The following PDZRN4 variants were observed in gnomAD, a reference collection of about 807,000 sequenced individuals.
The protein encoded by PDZRN4 is PDZ domain containing ring finger 4.
Under a neutral mutation model 99.0 loss-of-function variants are expected in PDZRN4, and 70 were observed. The ratio of observed to expected loss-of-function variants is 0.71; its 90% CI spans 0.58 to 0.86. The LOEUF (loss-of-function observed/expected upper bound fraction) is 0.86. PDZRN4 is among the 40% of genes least tolerant of loss of function. PDZRN4 has a pLI of 0.00. For missense variants in PDZRN4, 1,474 were observed against 1,331.2 expected (o/e 1.11, Z -1.67); for synonymous variants, 551 against 501.6 (o/e 1.10, Z -1.32).
At chr12:41,213,690 C>T (rs1035729880) in intron 3 of PDZRN4, among the ~76,000 whole-genome samples, 7 of 152,036 alleles carry the variant, frequency 4.6e-5, no homozygotes, top group Non-Finnish European at 1.0e-4. Flanking sequence ...TAAGTGATGT[C>T]CTGATGACAA....
At chr12:41,475,521 A>C (rs1357635158) in intron 3 of PDZRN4, among the ~76,000 whole-genome samples, 2 of 152,204 alleles carry the variant, frequency 1.3e-5, no homozygotes, top group Non-Finnish European at 2.9e-5. Flanking sequence ...GTGGAGAAAC[A>C]CATTCTTTGC....
intron 3 of PDZRN4, among the ~76,000 whole-genome samples, chr12:41,454,517 C>T (rs1390844647): frequency 6.6e-6 from 1 of 152,118 alleles, no homozygotes; most frequent in Non-Finnish European, 1.5e-5. Flanking sequence ...GTCTGTATTC[C>T]CTTGCGGGAG....
intron 5 of PDZRN4, among the ~76,000 whole-genome samples, chr12:41,544,481 A>G (rs767690059): frequency 6.6e-6 from 1 of 152,210 alleles, no homozygotes; most frequent in Non-Finnish European, 1.5e-5. Context: ...CTCTGCTGGT[A>G]CTATAAATGC....
chr12:41,516,301 T>A (rs1049968556), intron 5 of PDZRN4, among the ~76,000 whole-genome samples: 4 of 152,050 alleles, frequency 2.6e-5, no homozygotes, highest in Non-Finnish European at 5.9e-5. Context: ...TATCTGCACA[T>A]CACCAGGAGG....
chr12:41,390,607 A>G (rs2121118832), intron 3 of PDZRN4, among the ~76,000 whole-genome samples: 1 of 148,898 alleles, frequency 6.7e-6, no homozygotes, highest in Middle Eastern at 3.5e-3. Context: ...TTCTAACTTG[A>G]TGATTTCTGG....
At chr12:41,549,674 C>A (rs183371892) in intron 5 of PDZRN4, among the ~76,000 whole-genome samples, 4 of 152,056 alleles carry the variant, frequency 2.6e-5, no homozygotes, top group Admixed American at 2.0e-4. Context: ...TATTAATATG[C>A]GCTAAAGCCT....
At chr12:41,303,350 C>G (rs916596662) in intron 3 of PDZRN4, among the ~76,000 whole-genome samples, 2 of 152,156 alleles carry the variant, frequency 1.3e-5, no homozygotes, top group Non-Finnish European at 2.9e-5. Context: ...TTCCAGCTAG[C>G]CTGTGGTTTG....
At chr12:41,295,306 A>G (rs1179820379) in intron 3 of PDZRN4, among the ~76,000 whole-genome samples, 2 of 152,214 alleles carry the variant, frequency 1.3e-5, no homozygotes, top group Non-Finnish European at 2.9e-5. Flanking sequence ...GGTCAATTAC[A>G]AAGAGTTCCC....
intron 3 of PDZRN4, among the ~76,000 whole-genome samples, chr12:41,226,560 A>G (rs975417783): frequency 6.6e-6 from 1 of 152,102 alleles, no homozygotes; most frequent in Non-Finnish European, 1.5e-5. Flanking sequence ...TTAAAAAAAA[A>G]AAATGAACGT....
chr12:41,256,560 A>G (rs1951205928), intron 3 of PDZRN4, among the ~76,000 whole-genome samples: 1 of 152,208 alleles, frequency 6.6e-6, no homozygotes, highest in Non-Finnish European at 1.5e-5. Flanking sequence ...CGTAAGGCAA[A>G]GAAAAGTTGA....
At chr12:41,410,259 T>C (rs1320969528) in intron 3 of PDZRN4, among the ~76,000 whole-genome samples, 1 of 152,238 alleles carries the variant, frequency 6.6e-6, no homozygotes, top group Non-Finnish European at 1.5e-5. Context: ...CTTTAGTGTA[T>C]TTGCTTAGAA....
intron 3 of PDZRN4, among the ~76,000 whole-genome samples, chr12:41,276,213 A>G (rs1270790754): frequency 6.6e-6 from 1 of 152,172 alleles, no homozygotes; most frequent in Non-Finnish European, 1.5e-5. Flanking sequence ...ACAGATATAC[A>G]GCATATTTGT....
At chr12:41,200,763 C>T (rs1252256641) in intron 3 of PDZRN4, among the ~76,000 whole-genome samples, 1 of 152,086 alleles carries the variant, frequency 6.6e-6, no homozygotes, top group East Asian at 1.9e-4. Flanking sequence ...TCTTTTCTTC[C>T]TTTCAATCAT....
At chr12:41,334,087 G>A (rs977538140) in intron 3 of PDZRN4, among the ~76,000 whole-genome samples, 2 of 151,886 alleles carry the variant, frequency 1.3e-5, no homozygotes, top group African/African-American at 4.8e-5. Flanking sequence ...ATTTATGCAC[G>A]CCTCTTGGGC....
chr12:41,418,185 T>C (rs1012951741), intron 3 of PDZRN4, among the ~76,000 whole-genome samples: 1 of 152,216 alleles, frequency 6.6e-6, no homozygotes, highest in Non-Finnish European at 1.5e-5. Flanking sequence ...CAAAAGTATA[T>C]TGATGTTGCA....
intron 3 of PDZRN4, among the ~76,000 whole-genome samples, chr12:41,439,552 C>T (rs1215907437): frequency 2.6e-5 from 4 of 152,122 alleles, no homozygotes; most frequent in African/African-American, 4.8e-5. Context: ...ACTAAGAAAT[C>T]CAGCAGGATT....
At chr12:41,335,290 G>A (rs1356150003) in intron 3 of PDZRN4, among the ~76,000 whole-genome samples, 2 of 150,798 alleles carry the variant, frequency 1.3e-5, no homozygotes, top group Non-Finnish European at 3.0e-5. Context: ...TATACTTTAA[G>A]TTCTAGGGTA....
rs113083473 is a variant in PDZRN4, at chr12:41,367,041, G to A, written c.844-139415G>A. Among the ~76,000 whole-genome samples the A allele has an allele frequency of 4.6e-3, 693 of 152,072 alleles. 4 individuals are homozygous for A. Among genetic ancestry groups the A allele is most frequent in the African/African-American group, 0.015 (623 of 41,490 alleles). On this transcript the variant is annotated intron_variant, in intron 3 of 9. Coordinates refer to ENST00000402685, the MANE Select transcript of PDZRN4 (RefSeq NM_001164595.2). ...TGAGCCCATTCCTCCCTAGACTAGGGGGCATGCAACTTCAGCTCCATGAGA... is the reference window on the plus strand; with the variant it reads ...TGAGCCCATTCCTCCCTAGACTAGGAGGCATGCAACTTCAGCTCCATGAGA...
chr12:41,234,815 C>G (rs202004180), intron 3 of PDZRN4, among the ~76,000 whole-genome samples: 1 of 152,044 alleles, frequency 6.6e-6, no homozygotes. Flanking sequence ...CTTAACCCTA[C>G]GACAGATGGA....
Sources: gnomAD v4.1 joint callset for allele counts (sites outside exome capture counted in the v4.1 genomes callset) on GRCh38, gnomAD v4.1.1 for gene constraint, MANE v1.5 for transcripts, NCBI Gene and HGNC (gene_info 2026-07-23, HGNC 2026-07-21) for gene names.